Variants in UTS2B observed in about 807,000 individuals in gnomAD.
The protein encoded by UTS2B is urotensin 2B, also known as urotensin-2B.
Under a neutral mutation model 19.2 loss-of-function variants are expected in UTS2B, and 21 were observed. That is an observed-to-expected ratio of 1.09 (90% CI 0.78 to 1.58). UTS2B has a LOEUF of 1.58. Ranked by LOEUF, UTS2B falls within the 40% of genes most tolerant of loss-of-function variation. The probability of loss-of-function intolerance (pLI) is 0.00; values close to 1 mark genes in which losing one functional copy is unlikely to be tolerated. For missense variants in UTS2B, 138 were observed against 130.3 expected, an observed-to-expected ratio of 1.06 and a Z score of -0.29; for synonymous variants, 57 against 50.2, an observed-to-expected ratio of 1.14 and a Z score of -0.58.
At chr3:191,297,179 G>T (rs1716878979) in intron 4 of UTS2B, among the ~76,000 whole-genome samples, 1 of 152,092 alleles carries the variant, frequency 6.6e-6, no homozygotes, top group South Asian at 2.1e-4. Flanking sequence ...TCCCTGAGGG[G>T]TATCTGACTC....
intron 2 of UTS2B, among the ~76,000 whole-genome samples, chr3:191,318,053 T>C (rs918270827): frequency 3.3e-5 from 5 of 152,128 alleles, no homozygotes; most frequent in Admixed American, 2.6e-4. Flanking sequence ...GGAGGGGAAA[T>C]TGATTCCACA....
chr3:191,273,643 T>C (rs1414979975), intron 8 of UTS2B: 2 of 455,340 alleles, frequency 4.4e-6, no homozygotes, highest in African/African-American at 4.0e-5. Flanking sequence ...GCCTCTGAGA[T>C]TTAGATTACA....
At chr3:191,322,246 T>C (rs1717631763) in intron 2 of UTS2B, among the ~76,000 whole-genome samples, 1 of 152,150 alleles carries the variant, frequency 6.6e-6, no homozygotes, top group South Asian at 2.1e-4. Context: ...GAAACTCAAG[T>C]GTTGAGCATT....
At chr3:191,322,025 C>G (rs1481972632) in intron 2 of UTS2B, among the ~76,000 whole-genome samples, 1 of 149,418 alleles carries the variant, frequency 6.7e-6, no homozygotes, top group Non-Finnish European at 1.5e-5. Flanking sequence ...AAAACTCCAT[C>G]GGAAAAATAT....
chr3:191,326,043 G>T (rs1018097611), intron 2 of UTS2B, among the ~76,000 whole-genome samples: 1 of 152,140 alleles, frequency 6.6e-6, no homozygotes. Flanking sequence ...ATGCTGATGA[G>T]CTAGGAAGCA....
intron 3 of UTS2B, among the ~76,000 whole-genome samples, chr3:191,306,667 CTT>C (rs1717149189): frequency 6.6e-6 from 1 of 152,156 alleles, no homozygotes; most frequent in Non-Finnish European, 1.5e-5. Flanking sequence ...GACGGAGTCT[CTT>C]GTCACCCAGG....
the UTS2B span, among the ~76,000 whole-genome samples, chr3:191,340,915 G>A: frequency 6.6e-6 from 1 of 152,062 alleles, no homozygotes; most frequent in African/African-American, 2.4e-5. Context: ...AGCTCACTGT[G>A]GCCTCAAGCT....
At chr3:191,296,995 C>T (rs1246566898) in intron 4 of UTS2B, among the ~76,000 whole-genome samples, 1 of 152,142 alleles carries the variant, frequency 6.6e-6, no homozygotes, top group East Asian at 1.9e-4. Context: ...AGGCAATAAA[C>T]TGTAATGATG....
chr3:191,330,034 G>C (rs528714415), intron 1 of UTS2B, among the ~76,000 whole-genome samples: 2 of 151,984 alleles, frequency 1.3e-5, no homozygotes, highest in African/African-American at 4.8e-5. Context: ...GCTGAGAGCC[G>C]GGTGAATCTG....
intron 3 of UTS2B, among the ~76,000 whole-genome samples, chr3:191,305,583 T>C (rs1279635218): frequency 6.6e-6 from 1 of 152,200 alleles, no homozygotes; most frequent in Non-Finnish European, 1.5e-5. Flanking sequence ...ATGCATAGTT[T>C]GCAAAAATTT....
At position 191,278,034 on chromosome 3, in the gene UTS2B, T is replaced by G. The variant is rs572888775; in HGVS notation, c.202+38A>C. On this transcript the variant is annotated intron_variant, in intron 6 of 8. Coordinates refer to ENST00000340524, the MANE Select transcript of UTS2B (RefSeq NM_198152.5). ...GTCTCAAGACAAAATAAATTGTTAT[T>G]TTTTAATAAATAGAGCTTGACTTTA... is the stretch of plus-strand genomic sequence containing the variant. 11 of 1,113,616 alleles carry G rather than the reference T, an allele frequency of 9.9e-6. No individual in the cohort carries two copies. In the South Asian group the frequency reaches 1.7e-4, roughly 17 times the overall value. 69.0% of individuals were successfully genotyped at this position (1,113,616 alleles called of 1,614,324 possible).
the UTS2B span, among the ~76,000 whole-genome samples, chr3:191,345,095 G>A: frequency 6.6e-6 from 1 of 152,178 alleles, no homozygotes; most frequent in East Asian, 1.9e-4. Context: ...TCATTTTGAG[G>A]TTATGGGATG....
At chr3:191,279,624 G>A (rs974968284) in intron 5 of UTS2B, among the ~76,000 whole-genome samples, 2 of 151,848 alleles carry the variant, frequency 1.3e-5, no homozygotes, top group African/African-American at 4.8e-5. Flanking sequence ...CCATTCCTCT[G>A]CATAGTTAAG....
chr3:191,268,592 AG>A (rs1716005964), intron 8 of UTS2B, 151 bp from the exon 9 acceptor site: 2 of 549,250 alleles, frequency 3.6e-6, no homozygotes, highest in East Asian at 3.1e-5. Flanking sequence ...TGGATCTTTA[AG>A]TTAATCACAA....
intron 7 of UTS2B, 59 bp downstream of exon 7, chr3:191,276,745 CAAG>C: frequency 7.2e-7 from 1 of 1,395,914 alleles, no homozygotes; most frequent in Non-Finnish European, 1.0e-6. Context: ...AACATTGTGT[CAAG>C]AAGAAATTTC....
intron 7 of UTS2B, among the ~76,000 whole-genome samples, 183 bp downstream of exon 7, chr3:191,276,624 T>C (rs1716243139): frequency 6.6e-6 from 1 of 152,184 alleles, no homozygotes; most frequent in African/African-American, 2.4e-5. Flanking sequence ...CATAGTTTTG[T>C]TTTGTTTTGT....
chr3:191,305,791 T>A (rs1033547426), intron 3 of UTS2B, among the ~76,000 whole-genome samples: 5 of 152,182 alleles, frequency 3.3e-5, no homozygotes, highest in Non-Finnish European at 4.4e-5. Flanking sequence ...GTTTTTATAG[T>A]TTTGAGTTTT....
intron 3 of UTS2B, among the ~76,000 whole-genome samples, chr3:191,312,151 C>CA (rs1217233342): frequency 0.052 from 3,975 of 77,014 alleles, 124 homozygotes; most frequent in East Asian, 0.2. Context: ...GATTCTGTCT[C>CA]AAAAAAAAAA....
At chr3:191,307,624 T>C (rs1249665855) in intron 3 of UTS2B, among the ~76,000 whole-genome samples, 2 of 152,126 alleles carry the variant, frequency 1.3e-5, no homozygotes, top group Non-Finnish European at 2.9e-5. Context: ...TCTCATGTTT[T>C]GTAACTGACT....
Sources: gnomAD v4.1 joint callset for allele counts (sites outside exome capture counted in the v4.1 genomes callset) on GRCh38, gnomAD v4.1.1 for gene constraint, MANE v1.5 for transcripts, NCBI Gene and HGNC (gene_info 2026-07-23, HGNC 2026-07-21) for gene names.